LDB2: variants seen among roughly 807,000 people sequenced by gnomAD.
The protein encoded by LDB2 is LIM domain-binding protein 2.
A neutral mutation model predicts 44.3 loss-of-function variants in LDB2; 12 were observed. The ratio of observed to expected loss-of-function variants is 0.27; its 90% confidence interval spans 0.17 to 0.44. LDB2 has a LOEUF of 0.44. Ranked by LOEUF, LDB2 falls within the 20% of genes least tolerant of loss-of-function variation. The probability of loss-of-function intolerance (pLI) is 1.00; values close to 1 mark genes in which losing one functional copy is unlikely to be tolerated. For synonymous variants in LDB2, 164 were observed against 174.8 expected, an observed-to-expected ratio of 0.94 and a Z score of 0.49; for missense variants, 344 against 473.5, an observed-to-expected ratio of 0.73 and a Z score of 2.54.
chr4:16,552,316 C>T (rs1222158661), intron 5 of LDB2, among the ~76,000 whole-genome samples: 1 of 152,104 alleles, frequency 6.6e-6, no homozygotes, highest in Non-Finnish European at 1.5e-5. Context: ...TTTATTATTC[C>T]AATTTTTTTG....
At chr4:16,868,746 C>T (rs1715523286) in intron 1 of LDB2, among the ~76,000 whole-genome samples, 1 of 152,126 alleles carries the variant, frequency 6.6e-6, no homozygotes, top group Non-Finnish European at 1.5e-5. Flanking sequence ...ATCTCAGTGC[C>T]TTTCGTTAGC....
chr4:16,535,994 G>GTTA (rs1252112105), intron 5 of LDB2, among the ~76,000 whole-genome samples: 1 of 152,204 alleles, frequency 6.6e-6, no homozygotes, highest in Admixed American at 6.5e-5. Flanking sequence ...GCCTCAAGGT[G>GTTA]TTATTTGCCA....
intron 5 of LDB2, among the ~76,000 whole-genome samples, chr4:16,584,707 A>G (rs980752261): frequency 2.6e-5 from 4 of 152,176 alleles, no homozygotes; most frequent in African/African-American, 9.7e-5. Context: ...TTTCCCTTTT[A>G]CAGGTCTGAC....
intron 5 of LDB2, among the ~76,000 whole-genome samples, chr4:16,514,501 T>C (rs1028982973): frequency 1.3e-5 from 2 of 152,232 alleles, no homozygotes; most frequent in Admixed American, 1.3e-4. Context: ...TGTCTCATGT[T>C]CTCTTCCTTC....
chr4:16,603,421 G>A (rs763235371), intron 2 of LDB2, among the ~76,000 whole-genome samples: 4 of 152,148 alleles, frequency 2.6e-5, no homozygotes, highest in Non-Finnish European at 5.9e-5. Context: ...AGAAGCAACA[G>A]CATTAGTTAG....
intron 5 of LDB2, among the ~76,000 whole-genome samples, chr4:16,555,380 A>C (rs1485633460): frequency 1.3e-5 from 2 of 152,178 alleles, no homozygotes; most frequent in African/African-American, 4.8e-5. Flanking sequence ...CGAATGCCTC[A>C]ACCTGAATTT....
intron 2 of LDB2, among the ~76,000 whole-genome samples, chr4:16,654,314 G>T (rs1578504917): frequency 6.6e-6 from 1 of 152,108 alleles, no homozygotes; most frequent in Admixed American, 6.5e-5. Flanking sequence ...TTGCAGAATA[G>T]GTCATTGCAA....
intron 6 of LDB2, among the ~76,000 whole-genome samples, chr4:16,510,824 TAATAAATCTC>T (rs1051011332): frequency 2.0e-5 from 3 of 152,198 alleles, no homozygotes; most frequent in Admixed American, 2.0e-4. Context: ...GTCTGGAGCC[TAATAAATCTC>T]AATAAATAAT....
At chr4:16,813,846 C>G (rs1441349371) in intron 1 of LDB2, among the ~76,000 whole-genome samples, 1 of 151,864 alleles carries the variant, frequency 6.6e-6, no homozygotes, top group Non-Finnish European at 1.5e-5. Flanking sequence ...GGGCTACCCA[C>G]AGGGATACTG....
At chr4:16,539,956 AT>A in intron 5 of LDB2, among the ~76,000 whole-genome samples, 1 of 152,158 alleles carries the variant, frequency 6.6e-6, no homozygotes, top group Non-Finnish European at 1.5e-5. Context: ...GGTTTAATTG[AT>A]TAACAGTTCT....
At chr4:16,713,816 A>T (rs986054016) in intron 2 of LDB2, among the ~76,000 whole-genome samples, 3 of 152,174 alleles carry the variant, frequency 2.0e-5, no homozygotes, top group South Asian at 2.1e-4. Flanking sequence ...GCCCATCTTG[A>T]TCTGCCTGAG....
chr4:16,755,472 GGTGTGTGTGTGTGTGTGTGTGTGTGT>G (rs58186199), intron 2 of LDB2, among the ~76,000 whole-genome samples: 2 of 118,242 alleles, frequency 1.7e-5, no homozygotes, highest in Non-Finnish European at 3.4e-5. Flanking sequence ...GTAGGAATAG[GGTGTGTGTGTGTGTGTGTGTGTGTGT>G]GTGTGTGTGT....
chr4:16,540,908 T>A (rs1733539236), intron 5 of LDB2, among the ~76,000 whole-genome samples: 1 of 152,202 alleles, frequency 6.6e-6, no homozygotes, highest in Non-Finnish European at 1.5e-5. Flanking sequence ...GCATCTTATC[T>A]GTGTTCAACA....
intron 1 of LDB2, among the ~76,000 whole-genome samples, chr4:16,894,404 A>C (rs1193804708): frequency 6.6e-6 from 1 of 152,146 alleles, no homozygotes; most frequent in East Asian, 1.9e-4. Context: ...ACATTTCTTT[A>C]TTAAATTCCA....
chr4:16,819,328 C>A (rs540764040), intron 1 of LDB2, among the ~76,000 whole-genome samples: 2 of 151,798 alleles, frequency 1.3e-5, no homozygotes, highest in South Asian at 4.2e-4. Context: ...AATAAAATGG[C>A]CATTTGTTAG....
intron 5 of LDB2, among the ~76,000 whole-genome samples, chr4:16,554,853 T>C (rs748366406): frequency 2.0e-4 from 31 of 152,190 alleles, no homozygotes; most frequent in Non-Finnish European, 3.5e-4. Flanking sequence ...ATTCATGTCA[T>C]TATAAATTTG....
chr4:16,599,966 C>A (rs943407517), intron 2 of LDB2, among the ~76,000 whole-genome samples: 8 of 152,082 alleles, frequency 5.3e-5, no homozygotes, highest in Admixed American at 6.5e-5. Flanking sequence ...ATGATGTGAT[C>A]GCTGATAAAG....
At chr4:16,783,490 T>A (rs1773742737) in intron 1 of LDB2, among the ~76,000 whole-genome samples, 1 of 152,260 alleles carries the variant, frequency 6.6e-6, no homozygotes, top group Admixed American at 6.5e-5. Flanking sequence ...GTGCCATTCA[T>A]GCCTGGCTCT....
rs920230794 is a variant in LDB2 at position 16,870,968 on chromosome 4, T to C, written c.132+27386A>G. 2.0e-5 allele frequency among the ~76,000 whole-genome samples: 3 copies of C among 152,306 alleles called. No individual in the cohort carries two copies. In the East Asian group the frequency reaches 5.8e-4, roughly 29 times the overall value. On this transcript the variant is annotated intron_variant, in intron 1 of 7. Transcript: ENST00000304523. Reference sequence around the variant, plus strand: ...TCTTTAAACCCAAAAAGCCTATCTCTGATTTAGACCTGCATACACTGCTTC... The same window carrying C: ...TCTTTAAACCCAAAAAGCCTATCTCCGATTTAGACCTGCATACACTGCTTC...
Sources: gnomAD v4.1 joint callset for allele counts (sites outside exome capture counted in the v4.1 genomes callset) on GRCh38, gnomAD v4.1.1 for gene constraint, MANE v1.5 for transcripts, NCBI Gene and HGNC (gene_info 2026-07-23, HGNC 2026-07-21) for gene names.